AGBL4: variants seen among roughly 807,000 people sequenced by gnomAD.
AGBL4 encodes AGBL carboxypeptidase 4, also known as cytosolic carboxypeptidase 6.
Under a neutral mutation model 66.4 loss-of-function variants are expected in AGBL4, and 58 were observed. That is an observed-to-expected ratio of 0.87 (90% CI 0.71 to 1.09). The LOEUF is 1.09. Among genes scored for constraint, AGBL4 ranks in the 50% least tolerant of loss-of-function variants. The probability of loss-of-function intolerance (pLI) is 0.00; values close to 1 mark genes in which losing one functional copy is unlikely to be tolerated. For missense variants in AGBL4, 579 were observed against 631.0 expected, an observed-to-expected ratio of 0.92 and a Z score of 0.88; for synonymous variants, 234 against 222.9, an observed-to-expected ratio of 1.05 and a Z score of -0.44.
At chr1:48,765,482 G>A (rs745744583) in intron 6 of AGBL4, among the ~76,000 whole-genome samples, 2 of 152,176 alleles carry the variant, frequency 1.3e-5, no homozygotes, top group Non-Finnish European at 2.9e-5. Context: ...TGTAGAATGG[G>A]CAGCCATAGT....
At chr1:49,070,387 T>C (rs932505269) in intron 4 of AGBL4, among the ~76,000 whole-genome samples, 2 of 151,942 alleles carry the variant, frequency 1.3e-5, no homozygotes, top group African/African-American at 2.4e-5. Context: ...ATAGCTCTTA[T>C]TATTTTGAGA....
intron 3 of AGBL4, among the ~76,000 whole-genome samples, chr1:49,597,971 A>G (rs565917825): frequency 6.6e-5 from 10 of 152,278 alleles, no homozygotes; most frequent in Middle Eastern, 3.4e-3. Context: ...AACAGAGATA[A>G]TTTGACTTCC....
chr1:49,913,674 G>A (rs1651090650), intron 1 of AGBL4, among the ~76,000 whole-genome samples: 1 of 152,258 alleles, frequency 6.6e-6, no homozygotes, highest in Non-Finnish European at 1.5e-5. Flanking sequence ...ACCTGCAGCA[G>A]GTTGCTGCCT....
intron 6 of AGBL4, among the ~76,000 whole-genome samples, chr1:48,689,704 T>C (rs1646598201): frequency 6.6e-6 from 1 of 152,272 alleles, no homozygotes; most frequent in East Asian, 1.9e-4. Context: ...TGGGATGAGA[T>C]GGCCTGTGAC....
At chr1:49,530,367 T>A (rs999025794) in intron 3 of AGBL4, among the ~76,000 whole-genome samples, 7 of 151,572 alleles carry the variant, frequency 4.6e-5, no homozygotes, top group Admixed American at 4.6e-4. Flanking sequence ...CGTATACATG[T>A]GCCATGTTGG....
intron 3 of AGBL4, among the ~76,000 whole-genome samples, chr1:49,428,054 C>G (rs1485222522): frequency 6.6e-5 from 10 of 152,192 alleles, no homozygotes; most frequent in Non-Finnish European, 1.5e-5. Context: ...ACACAGAGCA[C>G]TGATTGGTGT....
intron 2 of AGBL4, among the ~76,000 whole-genome samples, chr1:49,801,602 A>T (rs990175325): frequency 3.3e-5 from 5 of 151,598 alleles, no homozygotes; most frequent in East Asian, 1.9e-4. Context: ...TCTCAAATAT[A>T]AAAAAAAAGT....
chr1:49,908,911 T>C (rs1033101009), intron 1 of AGBL4, among the ~76,000 whole-genome samples: 1 of 152,244 alleles, frequency 6.6e-6, no homozygotes, highest in Non-Finnish European at 1.5e-5. Context: ...GGCTATACTC[T>C]TTTTATCTTG....
intron 3 of AGBL4, among the ~76,000 whole-genome samples, chr1:49,528,561 T>A (rs1229910894): frequency 2.0e-5 from 3 of 152,040 alleles, no homozygotes; most frequent in Non-Finnish European, 4.4e-5. Flanking sequence ...AATTACTTAT[T>A]AACCTATAGG....
chr1:49,815,929 T>G (rs1645220138), intron 2 of AGBL4, among the ~76,000 whole-genome samples: 1 of 152,114 alleles, frequency 6.6e-6, no homozygotes, highest in Non-Finnish European at 1.5e-5. Flanking sequence ...CTTACTCTGT[T>G]GCCCAGGATG....
chr1:49,840,914 C>A (rs1160734551), intron 2 of AGBL4, among the ~76,000 whole-genome samples: 1 of 152,102 alleles, frequency 6.6e-6, no homozygotes, highest in African/African-American at 2.4e-5. Flanking sequence ...TAGGAATAAG[C>A]CGGAAGCATT....
At chr1:49,293,742 T>C (rs1644588501) in intron 3 of AGBL4, among the ~76,000 whole-genome samples, 1 of 152,156 alleles carries the variant, frequency 6.6e-6, no homozygotes. Context: ...TAATATACAA[T>C]GTATGTAGAA....
chr1:49,405,133 A>G (rs1645169379), intron 3 of AGBL4, among the ~76,000 whole-genome samples: 1 of 152,090 alleles, frequency 6.6e-6, no homozygotes, highest in South Asian at 2.1e-4. Flanking sequence ...AGTCACCCTC[A>G]CCTCCATACT....
At chr1:49,599,509 T>C (rs1644913073) in intron 3 of AGBL4, among the ~76,000 whole-genome samples, 1 of 151,864 alleles carries the variant, frequency 6.6e-6, no homozygotes, top group Non-Finnish European at 1.5e-5. Context: ...CTCTCTTTTC[T>C]TCTTTATTAG....
chr1:49,370,873 GAGGTTAACATTTA>G (rs1440550210), intron 3 of AGBL4, among the ~76,000 whole-genome samples: 2 of 152,182 alleles, frequency 1.3e-5, no homozygotes, highest in African/African-American at 4.8e-5. Context: ...TGAGTTAGAT[GAGGTTAACATTTA>G]AGTCAGTGAA....
intron 3 of AGBL4, among the ~76,000 whole-genome samples, chr1:49,675,058 A>G (rs1646553106): frequency 6.6e-6 from 1 of 152,132 alleles, no homozygotes; most frequent in Non-Finnish European, 1.5e-5. Flanking sequence ...ATTGTTTTAA[A>G]TGTCTTGAAG....
chr1:48,830,756 T>C (rs1269888723), intron 6 of AGBL4, among the ~76,000 whole-genome samples: 1 of 152,226 alleles, frequency 6.6e-6, no homozygotes, highest in Non-Finnish European at 1.5e-5. Context: ...ATTTTGCTTT[T>C]GGGAATAGAT....
chr1:49,204,995 C>G (rs1648019310), intron 4 of AGBL4, among the ~76,000 whole-genome samples: 1 of 152,086 alleles, frequency 6.6e-6, no homozygotes, highest in South Asian at 2.1e-4. Context: ...ATGATTGTTT[C>G]CTTCTTCCTG....
At chr1:48,966,750 G>T (rs1296175173) in intron 5 of AGBL4, among the ~76,000 whole-genome samples, 3 of 151,914 alleles carry the variant, frequency 2.0e-5, no homozygotes, top group African/African-American at 7.3e-5. Context: ...AGTCAGCCAG[G>T]AATAGAAGAG....
Sources: allele counts gnomAD v4.1 joint callset (sites outside exome capture counted in the v4.1 genomes callset), GRCh38; gene constraint gnomAD v4.1.1; transcripts MANE v1.5; gene names NCBI Gene and HGNC (gene_info 2026-07-23, HGNC 2026-07-21).